PRDM16: variants seen among roughly 807,000 people sequenced by gnomAD.
PRDM16 encodes the protein histone-lysine N-methyltransferase PRDM16.
In PRDM16, 23 loss-of-function variants were observed where a neutral mutation model predicts 110.6. The ratio of observed to expected loss-of-function variants is 0.21; its 90% CI spans 0.15 to 0.29. The LOEUF is 0.29. Ranked by LOEUF, PRDM16 falls within the 10% of genes least tolerant of loss-of-function variation. PRDM16 has a pLI of 1.00. For synonymous variants in PRDM16, 799 were observed against 781.8 expected (o/e 1.02, Z -0.37); for missense variants, 1,615 against 1,794.3 (o/e 0.90, Z 1.81).
chr1:3,146,224 G>A (rs1487609606), intron 1 of PRDM16, among the ~76,000 whole-genome samples: 2 of 152,204 alleles, frequency 1.3e-5, no homozygotes, highest in African/African-American at 2.4e-5. Flanking sequence ...GGTGGAAACG[G>A]GGGGGCCCGC....
At chr1:3,299,300 A>C (rs3002688) in intron 3 of PRDM16, among the ~76,000 whole-genome samples, 7 of 101,832 alleles carry the variant, frequency 6.9e-5, no homozygotes, top group African/African-American at 2.2e-4. Context: ...TGCTGTGGCC[A>C]TGATGTTTCA....
At chr1:3,413,410 T>C (rs902316807) in intron 9 of PRDM16, among the ~76,000 whole-genome samples, 1 of 152,072 alleles carries the variant, frequency 6.6e-6, no homozygotes, top group Non-Finnish European at 1.5e-5. Flanking sequence ...GGCACCAGTG[T>C]CCTGTGTCTC....
At chr1:3,298,960 G>C (rs112584374) in intron 3 of PRDM16, among the ~76,000 whole-genome samples, 2 of 152,236 alleles carry the variant, frequency 1.3e-5, no homozygotes, top group Non-Finnish European at 2.9e-5. Context: ...TCCAGCCAGG[G>C]CTGTCTGGAT....
Position 3,259,962 on chromosome 1 carries a change from A to T in PRDM16, c.438+15825A>T, listed in dbSNP as rs560054082. ...GCTGTGGCCCTCAAACTCTCCCCAT[A>T]GTATCCTCCAAGCCCCCTGCACTTC... is the stretch of plus-strand genomic sequence containing the variant. On this transcript the variant is annotated intron_variant, in intron 3 of 16. Transcript: ENST00000270722. Among the ~76,000 whole-genome samples the T allele has an allele frequency of 2.6e-5, 4 of 152,120 alleles. 1 individual carries two copies. The South Asian group carries it at 8.3e-4, about 32-fold the overall frequency.
At chr1:3,128,967 A>T (rs1050715018) in intron 1 of PRDM16, among the ~76,000 whole-genome samples, 6 of 152,278 alleles carry the variant, frequency 3.9e-5, no homozygotes, top group African/African-American at 1.4e-4. Context: ...GCGACTGTGC[A>T]GATGAGATGA....
chr1:3,109,588 G>A lies in PRDM16; in HGVS notation c.37+40292G>A, dbSNP rs985175589. Reference sequence around the variant, plus strand: ...CACAGACCATTAGACCGGGGCTTCCGCCGAGGACTAATTGAGCAGCCCTTA... The same window carrying A: ...CACAGACCATTAGACCGGGGCTTCCACCGAGGACTAATTGAGCAGCCCTTA... On this transcript the variant is annotated intron_variant, in intron 1 of 16. Transcript: ENST00000270722. Among the ~76,000 whole-genome samples, 14 of 152,336 alleles carry A rather than the reference G, an allele frequency of 9.2e-5. No individual in the cohort carries two copies. In the East Asian group the frequency reaches 9.6e-4, roughly 10 times the overall value.
intron 1 of PRDM16, among the ~76,000 whole-genome samples, chr1:3,078,154 G>A (rs560459116): frequency 2.0e-5 from 3 of 152,262 alleles, no homozygotes; most frequent in Non-Finnish European, 4.4e-5. Flanking sequence ...ATTCCCATCC[G>A]TCCTCTCATC....
chr1:3,128,906 G>A (rs1327541044), intron 1 of PRDM16, among the ~76,000 whole-genome samples: 3 of 152,244 alleles, frequency 2.0e-5, no homozygotes, highest in African/African-American at 7.2e-5. Context: ...CCCCAGGTGG[G>A]GGTGCGCAGC....
chr1:3,261,460 T>A (rs777809114), intron 3 of PRDM16, among the ~76,000 whole-genome samples: 20 of 152,148 alleles, frequency 1.3e-4, no homozygotes. Context: ...CAATTCATAG[T>A]GTGGGTTTGG....
Position 3,290,291 on chromosome 1 carries a change from C to G in PRDM16, c.438+46154C>G, listed in dbSNP as rs1640943759. 6.6e-6 allele frequency among the ~76,000 whole-genome samples: 1 copy of G among 152,156 alleles called. No individual in the cohort carries two copies. The highest frequency in any genetic ancestry group is 2.4e-5 in the African/African-American group (1 of 41,436). On this transcript the variant is annotated intron_variant, in intron 3 of 16. Transcript: ENST00000270722. This position sits in a 1 kb window ranked among gnomAD's most constrained non-coding sequence, Gnocchi z 4.8. The stretch of plus-strand genomic sequence containing the variant: ...TGGGAGGGATCTGCCTGCCAGCCCA[C>G]AGGGCTCAGGGGTCCTCAGAGGTGT...
rs569608591 is a variant in PRDM16, at chr1:3,431,193, G to A, written c.3521+85G>A. 15 of 1,497,588 alleles carry A rather than the reference G, an allele frequency of 1.0e-5. 1 individual carries two copies. The highest frequency in any genetic ancestry group is 6.5e-5 in the South Asian group (5 of 77,152). The allele number at this position is 1,497,588 out of a possible 1,614,324, so 92.8% of individuals were successfully genotyped here. A position where few individuals can be genotyped will look rare whatever the true frequency, so the allele number is the denominator to read the frequency against. On this transcript the variant is annotated intron_variant, in intron 15 of 16. Transcript: ENST00000270722. ...GGGGGACCTCCCTCTTCAGCCACTCGTGAGCCCATCCCTGGCTCAGCCCCT... is the reference window on the plus strand; with the variant it reads ...GGGGGACCTCCCTCTTCAGCCACTCATGAGCCCATCCCTGGCTCAGCCCCT...
intron 2 of PRDM16, among the ~76,000 whole-genome samples, chr1:3,196,900 G>A (rs1328764326): frequency 6.6e-6 from 1 of 152,240 alleles, no homozygotes; most frequent in Non-Finnish European, 1.5e-5. Context: ...AGCAGGGCAG[G>A]TGGAAGGAGC....
At chr1:3,199,120 T>C (rs374286149) in intron 2 of PRDM16, among the ~76,000 whole-genome samples, 1 of 152,160 alleles carries the variant, frequency 6.6e-6, no homozygotes, top group African/African-American at 2.4e-5. Context: ...GAGAGAGTGC[T>C]GTGCGGGGTG....
intron 2 of PRDM16, among the ~76,000 whole-genome samples, chr1:3,228,683 C>T (rs1347251180): frequency 2.6e-5 from 4 of 152,182 alleles, no homozygotes; most frequent in African/African-American, 9.6e-5. Context: ...GAGCTGGGGG[C>T]TCCTCGCCAT....
chr1:3,414,111 C>G (rs888878465), intron 9 of PRDM16, among the ~76,000 whole-genome samples: 10 of 152,210 alleles, frequency 6.6e-5, no homozygotes, highest in Non-Finnish European at 1.3e-4. Flanking sequence ...CTGCTGTGAG[C>G]AGGTCCAGGG....
chr1:3,241,394 C>T (rs1292184496), intron 2 of PRDM16, among the ~76,000 whole-genome samples: 1 of 152,256 alleles, frequency 6.6e-6, no homozygotes, highest in Non-Finnish European at 1.5e-5. Flanking sequence ...GGGGCCCAGG[C>T]CCCGTGCCCA....
chr1:3,283,398 C>T (rs1312239658), intron 3 of PRDM16, among the ~76,000 whole-genome samples: 3 of 152,184 alleles, frequency 2.0e-5, no homozygotes, highest in East Asian at 3.9e-4. Context: ...CCCTCCCTCC[C>T]TCCTGCAGCC....
intron 3 of PRDM16, among the ~76,000 whole-genome samples, chr1:3,338,116 G>T (rs1218358550): frequency 3.9e-5 from 6 of 152,228 alleles, no homozygotes; most frequent in Admixed American, 3.9e-4. Flanking sequence ...GCTTCATGAA[G>T]CTCTAGCCTC....
At chr1:3,191,703 C>T (rs1045233544) in intron 2 of PRDM16, among the ~76,000 whole-genome samples, 8 of 152,138 alleles carry the variant, frequency 5.3e-5, no homozygotes, top group African/African-American at 1.9e-4. Context: ...ATGAGAAATA[C>T]ATTTGCAGGT....
Sources: gnomAD v4.1 joint callset for allele counts (sites outside exome capture counted in the v4.1 genomes callset) on GRCh38, gnomAD v4.1.1 for gene constraint, Gnocchi (gnomAD v3.1) non-coding constraint, MANE v1.5 for transcripts, NCBI Gene and HGNC (gene_info 2026-07-23, HGNC 2026-07-21) for gene names.